The following ADGRF5 variants were observed in gnomAD, a reference collection of about 807,000 sequenced individuals.
ADGRF5 encodes the protein G-protein coupled receptor 116.
Under a neutral mutation model 132.3 loss-of-function variants are expected in ADGRF5, and 75 were observed. The ratio of observed to expected loss-of-function variants is 0.57; its 90% CI spans 0.47 to 0.69. ADGRF5 has a LOEUF of 0.69. ADGRF5 is among the 30% of genes least tolerant of loss of function. The probability of loss-of-function intolerance (pLI) is 0.00; values close to 1 mark genes in which losing one functional copy is unlikely to be tolerated. For missense variants in ADGRF5, 1,516 were observed against 1,630.6 expected, an observed-to-expected ratio of 0.93 and a Z score of 1.21; for synonymous variants, 629 against 597.6, an observed-to-expected ratio of 1.05 and a Z score of -0.77.
chr6:46,909,410 C>T (rs183622071), intron 1 of ADGRF5, among the ~76,000 whole-genome samples: 1 of 152,212 alleles, frequency 6.6e-6, no homozygotes, highest in Non-Finnish European at 1.5e-5. Flanking sequence ...TATGCCCTAG[C>T]CCTCAGTATT....
At chr6:46,901,932 T>G (rs975739698) in intron 2 of ADGRF5, among the ~76,000 whole-genome samples, 12 of 152,218 alleles carry the variant, frequency 7.9e-5, no homozygotes, top group Non-Finnish European at 1.5e-4. Context: ...TTCCCCTCGC[T>G]GATGCCCTTA....
intron 16 of ADGRF5, 74 bp downstream of exon 16, chr6:46,860,641 A>T: frequency 1.9e-6 from 2 of 1,063,934 alleles, no homozygotes; most frequent in Non-Finnish European, 2.8e-6. Flanking sequence ...GGGAGGAATT[A>T]CGTTTCTTGA....
intron 1 of ADGRF5, among the ~76,000 whole-genome samples, chr6:46,945,787 T>A (rs1010731237): frequency 1.3e-5 from 2 of 152,222 alleles, no homozygotes; most frequent in Non-Finnish European, 2.9e-5. Context: ...AGAGGTTTAA[T>A]GGACTCACAT....
At chr6:46,866,071 G>T (rs1009695743) in intron 13 of ADGRF5, among the ~76,000 whole-genome samples, 2 of 152,154 alleles carry the variant, frequency 1.3e-5, no homozygotes, top group African/African-American at 2.4e-5. Context: ...TCTGGATTAA[G>T]GGCACCATCT....
intron 1 of ADGRF5, among the ~76,000 whole-genome samples, chr6:46,921,379 A>G (rs1776925276): frequency 1.3e-5 from 2 of 152,024 alleles, no homozygotes; most frequent in Admixed American, 1.3e-4. Context: ...TCATGAATGC[A>G]CTGGTTTTTA....
At chr6:46,862,366 A>C (rs1004346591) in intron 15 of ADGRF5, among the ~76,000 whole-genome samples, 4 of 152,120 alleles carry the variant, frequency 2.6e-5, no homozygotes, top group African/African-American at 4.8e-5. Context: ...CATAGCGGTA[A>C]CCTCTATTAT....
intron 12 of ADGRF5, among the ~76,000 whole-genome samples, chr6:46,868,636 G>A (rs1770720869): frequency 6.6e-6 from 1 of 152,178 alleles, no homozygotes; most frequent in Non-Finnish European, 1.5e-5. Context: ...ACAGGGTCTG[G>A]AATTAGAGAC....
intron 1 of ADGRF5, among the ~76,000 whole-genome samples, chr6:46,918,550 A>G (rs1562238905): frequency 6.6e-6 from 1 of 152,230 alleles, no homozygotes; most frequent in Non-Finnish European, 1.5e-5. Context: ...GACCTTGAAT[A>G]AAAAGTATGA....
chr6:46,937,091 G>C (rs905659525), intron 1 of ADGRF5, among the ~76,000 whole-genome samples: 1 of 152,156 alleles, frequency 6.6e-6, no homozygotes, highest in Non-Finnish European at 1.5e-5. Flanking sequence ...GTTACCCTTT[G>C]AGAATGTCAC....
intron 10 of ADGRF5, 62 bp from the exon 11 acceptor site, chr6:46,872,075 A>C: frequency 1.7e-6 from 2 of 1,163,496 alleles, no homozygotes; most frequent in Non-Finnish European, 2.4e-6. Context: ...AGTAGCAAAG[A>C]GGTCAAATCA....
intron 1 of ADGRF5, among the ~76,000 whole-genome samples, chr6:46,910,539 C>T (rs1581970539): frequency 6.6e-6 from 1 of 152,110 alleles, no homozygotes; most frequent in East Asian, 1.9e-4. Context: ...TAAATTACCC[C>T]CATTTTTCAG....
intron 1 of ADGRF5, among the ~76,000 whole-genome samples, chr6:46,950,037 C>A (rs534981451): frequency 1.3e-5 from 2 of 152,268 alleles, no homozygotes; most frequent in East Asian, 3.9e-4. Context: ...TTTTTGCAGA[C>A]CTTCATTTGG....
At chr6:46,886,605 G>A (rs935080140) in intron 4 of ADGRF5, 3 of 152,116 alleles carry the variant, frequency 2.0e-5, no homozygotes, top group Non-Finnish European at 4.4e-5. Context: ...CACATTGTCC[G>A]GTTTTAAATA....
At chr6:46,868,126 A>T (rs1179526915) in intron 12 of ADGRF5, among the ~76,000 whole-genome samples, 1 of 152,192 alleles carries the variant, frequency 6.6e-6, no homozygotes, top group African/African-American at 2.4e-5. Flanking sequence ...AGACTGATTA[A>T]TCTCATAGTT....
At chr6:46,925,974 T>C (rs1157114501), upstream of ADGRF5, among the ~76,000 whole-genome samples, 2 of 152,022 alleles carry the variant, frequency 1.3e-5, no homozygotes, top group Non-Finnish European at 2.9e-5. Flanking sequence ...TGACCCAAGG[T>C]CAGCTCTCTT....
intron 3 of ADGRF5, among the ~76,000 whole-genome samples, chr6:46,896,826 C>T (rs570382042): frequency 1.8e-4 from 28 of 151,918 alleles, no homozygotes; most frequent in African/African-American, 6.8e-4. Context: ...TTTGTCTATA[C>T]CGAACATGTA....
chr6:46,907,529 A>G (rs1775513990), intron 1 of ADGRF5, among the ~76,000 whole-genome samples: 1 of 152,084 alleles, frequency 6.6e-6, no homozygotes, highest in Non-Finnish European at 1.5e-5. Context: ...TTTAAAATTC[A>G]TTTTATAATG....
At chr6:46,941,416 G>GAAAAGAAAAGAAAAGA (rs1561838700) in intron 1 of ADGRF5, among the ~76,000 whole-genome samples, 5 of 36,038 alleles carry the variant, frequency 1.4e-4, no homozygotes, top group African/African-American at 5.6e-4. Flanking sequence ...GAAAAGAAAA[G>GAAAAGAAAAGAAAAGA]AAAAGAAAAG....
chr6:46,867,192 C>T, intron 12 of ADGRF5, 55 bp from the exon 13 acceptor site: 1 of 1,046,786 alleles, frequency 9.6e-7, no homozygotes, highest in Non-Finnish European at 1.5e-6. Context: ...CCTTCAAAAG[C>T]ATCTGCTGGG....
Sources: allele counts gnomAD v4.1 joint callset (sites outside exome capture counted in the v4.1 genomes callset), GRCh38; gene constraint gnomAD v4.1.1; transcripts MANE v1.5; gene names NCBI Gene and HGNC (gene_info 2026-07-23, HGNC 2026-07-21).